The following AFF3 variants were observed in gnomAD, a reference collection of about 807,000 sequenced individuals.
The protein encoded by AFF3 is AF4/FMR2 family member 3.
AFF3 carries 32 observed loss-of-function variants against 129.7 expected under a neutral mutation model. The ratio of observed to expected loss-of-function variants is 0.25; its 90% CI spans 0.19 to 0.33. The LOEUF is 0.33. Ranked by LOEUF, AFF3 falls within the 10% of genes least tolerant of loss-of-function variation. The pLI is 1.00. For missense variants in AFF3, 1,373 were observed against 1,592.0 expected (o/e 0.86, Z 2.34); for synonymous variants, 644 against 635.4 (o/e 1.01, Z -0.20).
At chr2:99,569,516 G>C (rs904268687) in intron 18 of AFF3, among the ~76,000 whole-genome samples, 9 of 152,278 alleles carry the variant, frequency 5.9e-5, no homozygotes, top group African/African-American at 2.2e-4. Context: ...AACATGCCAT[G>C]TATTCTCTAG....
chr2:99,627,800 T>C (rs1385770280), intron 13 of AFF3, among the ~76,000 whole-genome samples: 1 of 152,212 alleles, frequency 6.6e-6, no homozygotes, highest in Non-Finnish European at 1.5e-5. Context: ...GGCTACCCAG[T>C]TTTCCCAGCA....
chr2:100,119,844 T>C lies in AFF3; in HGVS notation c.-145+9380A>G, dbSNP rs1691880030. On this transcript the variant is annotated intron_variant, in intron 2 of 24. Transcript: ENST00000672756. ...CTGAGAAACACAGACCTTCAGTGCA[T>C]TATGGAGGAAGCCATTGTGAAGTTT... 2.0e-5 allele frequency among the ~76,000 whole-genome samples: 3 copies of C among 152,224 alleles called. 1 individual carries two copies. The South Asian group carries it at 6.2e-4, about 31-fold the overall frequency.
chr2:99,851,908 A>T (rs1690174630), intron 7 of AFF3, among the ~76,000 whole-genome samples: 1 of 152,156 alleles, frequency 6.6e-6, no homozygotes. Flanking sequence ...TTCCCCCATC[A>T]GTGCAGGCCT....
intron 15 of AFF3, among the ~76,000 whole-genome samples, chr2:99,589,056 T>C (rs1449617716): frequency 6.6e-6 from 1 of 152,240 alleles, no homozygotes; most frequent in Non-Finnish European, 1.5e-5. Context: ...CACATCTCTC[T>C]AGTAAACTCT....
At chr2:99,672,404 A>C in intron 12 of AFF3, 134 bp downstream of exon 12, 1 of 750,838 alleles carries the variant, frequency 1.3e-6, no homozygotes, top group Non-Finnish European at 2.3e-6. Flanking sequence ...ACTGCATAGA[A>C]GCTCACACTT....
chr2:99,721,536 A>G (rs1040607836), intron 11 of AFF3, among the ~76,000 whole-genome samples: 12 of 151,796 alleles, frequency 7.9e-5, no homozygotes, highest in South Asian at 2.1e-4. Flanking sequence ...TCAAAAAAAA[A>G]AAGAAAAAAA....
rs371031816 is a variant in AFF3 at position 99,799,498 on chromosome 2, T to C, written c.921+37979A>G. ...GAGAAGCAAATAGAGAGACATACCA[T>C]GTTCATGATTTGGAAGAATCGATAT... On this transcript the variant is annotated intron_variant, in intron 8 of 24. Coordinates refer to ENST00000672756, the MANE Select transcript of AFF3 (RefSeq NM_001386135.1). Among the ~76,000 whole-genome samples the C allele has an allele frequency of 2.5e-4, 38 of 152,130 alleles. 1 individual carries two copies. The highest frequency in any genetic ancestry group is 1.7e-3 in the South Asian group (8 of 4,828).
intron 19 of AFF3, among the ~76,000 whole-genome samples, chr2:99,566,977 T>C (rs1676028863): frequency 1.3e-5 from 2 of 151,594 alleles, no homozygotes; most frequent in South Asian, 2.1e-4. Context: ...TTTCTTTTTT[T>C]TTTTTTTGGA....
In AFF3 at chr2:99,602,417, T is replaced by C. The variant is rs534446703; in HGVS notation, c.1185-796A>G. ...CATGCTGAAATTTGCCAGAAAGTCA[T>C]TACATACTCAAAGATAACAAGAAAA... is the stretch of plus-strand genomic sequence containing the variant. On this transcript the variant is annotated intron_variant, in intron 13 of 24. Transcript: ENST00000672756. Among the ~76,000 whole-genome samples, 4 of 152,310 alleles carry C rather than the reference T, an allele frequency of 2.6e-5. No individual in the cohort carries two copies. In the East Asian group the frequency reaches 5.8e-4, roughly 22 times the overall value.
intron 13 of AFF3, among the ~76,000 whole-genome samples, chr2:99,625,215 A>G (rs1484460447): frequency 6.6e-6 from 1 of 152,212 alleles, no homozygotes; most frequent in African/African-American, 2.4e-5. Context: ...TTTAGAGAAT[A>G]CTTTTTTCTT....
intron 2 of AFF3, among the ~76,000 whole-genome samples, chr2:100,109,487 G>A (rs1161091418): frequency 1.3e-5 from 2 of 149,958 alleles, no homozygotes; most frequent in Non-Finnish European, 3.0e-5. Context: ...CCAATGTTGG[G>A]GGATAATCTC....
At chr2:99,606,056 C>A (rs1261042560) in intron 13 of AFF3, among the ~76,000 whole-genome samples, 1 of 152,014 alleles carries the variant, frequency 6.6e-6, no homozygotes, top group Non-Finnish European at 1.5e-5. Context: ...TGTTTACATA[C>A]CAAAGATGCT....
At chr2:99,624,742 C>T (rs1469777881) in intron 13 of AFF3, among the ~76,000 whole-genome samples, 4 of 152,200 alleles carry the variant, frequency 2.6e-5, no homozygotes, top group Admixed American at 1.3e-4. Context: ...GTCCTTGGCA[C>T]AAGTAACTCA....
intron 4 of AFF3, among the ~76,000 whole-genome samples, chr2:100,030,066 AAATAATAATAAT>A (rs70940193): frequency 5.4e-5 from 8 of 147,816 alleles, no homozygotes; most frequent in African/African-American, 2.5e-5. Context: ...GACTGTCTCA[AAATAATAATAAT>A]AATAATAATA....
At chr2:99,670,378 G>T (rs1687043874) in intron 12 of AFF3, among the ~76,000 whole-genome samples, 1 of 103,546 alleles carries the variant, frequency 9.7e-6, no homozygotes, top group Admixed American at 9.6e-5. Flanking sequence ...TATAATGTCA[G>T]AAAAGGTTAA....
At chr2:100,042,437 C>A (rs1685520462) in intron 4 of AFF3, among the ~76,000 whole-genome samples, 1 of 152,118 alleles carries the variant, frequency 6.6e-6, no homozygotes, top group Non-Finnish European at 1.5e-5. Flanking sequence ...AGTTTGCTTC[C>A]ACTACAGGGT....
At chr2:99,690,282 G>A (rs1280748310) in intron 11 of AFF3, among the ~76,000 whole-genome samples, 4 of 149,944 alleles carry the variant, frequency 2.7e-5, no homozygotes, top group Non-Finnish European at 5.9e-5. Context: ...CCGGGTTCAC[G>A]CCATTTTCCT....
chr2:99,648,876 A>AACACTCACACACACAC, intron 13 of AFF3, among the ~76,000 whole-genome samples: 1 of 32,816 alleles, frequency 3.0e-5, no homozygotes, highest in East Asian at 1.7e-3. Flanking sequence ...AGTTCCTCAA[A>AACACTCACACACACAC]ACACGCGCGC....
At chr2:99,824,668 T>C (rs1338716990) in intron 8 of AFF3, among the ~76,000 whole-genome samples, 5 of 152,218 alleles carry the variant, frequency 3.3e-5, no homozygotes, top group African/African-American at 1.2e-4. Flanking sequence ...CAGCTAGTGC[T>C]AGCATATGAT....
Sources: allele counts gnomAD v4.1 joint callset (sites outside exome capture counted in the v4.1 genomes callset), GRCh38; gene constraint gnomAD v4.1.1; transcripts MANE v1.5; gene names NCBI Gene and HGNC (gene_info 2026-07-23, HGNC 2026-07-21).